CNTNAP2: variants seen among roughly 807,000 people sequenced by gnomAD.
CNTNAP2 encodes contactin associated protein 2.
CNTNAP2 carries 98 observed loss-of-function variants against 155.2 expected under a neutral mutation model. That is an observed-to-expected ratio of 0.63 (90% CI 0.54 to 0.75). The LOEUF is 0.75. Among genes scored for constraint, CNTNAP2 ranks in the 30% least tolerant of loss-of-function variants. The probability of loss-of-function intolerance (pLI) is 0.00; values close to 1 mark genes in which losing one functional copy is unlikely to be tolerated. For missense variants in CNTNAP2, 1,727 were observed against 1,688.1 expected, an observed-to-expected ratio of 1.02 and a Z score of -0.40; for synonymous variants, 651 against 631.2, an observed-to-expected ratio of 1.03 and a Z score of -0.47.
chr7:148,101,189 C>T (rs965133322), intron 15 of CNTNAP2, among the ~76,000 whole-genome samples: 1 of 151,384 alleles, frequency 6.6e-6, no homozygotes, highest in African/African-American at 2.4e-5. Flanking sequence ...TGCTAAATGA[C>T]GAGTTCATGG....
intron 8 of CNTNAP2, among the ~76,000 whole-genome samples, chr7:147,233,765 T>A (rs1803737531): frequency 6.8e-6 from 1 of 147,288 alleles, no homozygotes; most frequent in Admixed American, 6.8e-5. Flanking sequence ...TATAAAAACA[T>A]TGATGAATTA....
At chr7:146,756,913 T>A (rs35722578) in intron 1 of CNTNAP2, among the ~76,000 whole-genome samples, 11,109 of 152,138 alleles carry the variant, frequency 0.073, 471 homozygotes, top group Non-Finnish European at 0.079. Context: ...CTGCTTCCTA[T>A]ATACAGGTCA....
chr7:146,415,633 T>G (rs1044633916), intron 1 of CNTNAP2, among the ~76,000 whole-genome samples: 1 of 99,608 alleles, frequency 1.0e-5, no homozygotes, highest in African/African-American at 1.1e-4. Flanking sequence ...AAACCTGTAA[T>G]TAAGACACTC....
intron 1 of CNTNAP2, among the ~76,000 whole-genome samples, chr7:146,467,111 G>A (rs73462788): frequency 1.3e-5 from 2 of 152,020 alleles, no homozygotes; most frequent in Non-Finnish European, 2.9e-5. Flanking sequence ...CATCATTCAA[G>A]TAGCCTAAAC....
intron 1 of CNTNAP2, among the ~76,000 whole-genome samples, chr7:146,186,754 T>G (rs1798629973): frequency 6.6e-6 from 1 of 152,190 alleles, no homozygotes; most frequent in Non-Finnish European, 1.5e-5. Flanking sequence ...ATTTTTGTAT[T>G]GTGGATGGCA....
At chr7:147,820,508 C>T in intron 13 of CNTNAP2, among the ~76,000 whole-genome samples, 1 of 152,096 alleles carries the variant, frequency 6.6e-6, no homozygotes, top group East Asian at 1.9e-4. Flanking sequence ...GAGGAGAAGT[C>T]TTTAATTTTG....
chr7:148,170,782 A>C (rs1029798061), intron 17 of CNTNAP2, among the ~76,000 whole-genome samples: 1 of 152,158 alleles, frequency 6.6e-6, no homozygotes, highest in Non-Finnish European at 1.5e-5. Context: ...AAAGCCTTTG[A>C]TATTCCAGTC....
chr7:147,168,726 T>C (rs1314170820), intron 8 of CNTNAP2, among the ~76,000 whole-genome samples: 1 of 152,154 alleles, frequency 6.6e-6, no homozygotes, highest in Non-Finnish European at 1.5e-5. Context: ...TTTAGAAGTA[T>C]CTTTTCCCTA....
chr7:147,339,100 T>G (rs1795712672), intron 9 of CNTNAP2, among the ~76,000 whole-genome samples: 1 of 152,168 alleles, frequency 6.6e-6, no homozygotes, highest in Admixed American at 6.6e-5. Context: ...TTGACAAATT[T>G]TGAATTCACA....
At chr7:146,420,653 G>A (rs957419803) in intron 1 of CNTNAP2, among the ~76,000 whole-genome samples, 2 of 152,018 alleles carry the variant, frequency 1.3e-5, no homozygotes, top group African/African-American at 4.8e-5. Flanking sequence ...TTGTAGGTGG[G>A]TGTCTATTTT....
In CNTNAP2 at chr7:147,346,484, T is replaced by G. The variant is rs575096766; in HGVS notation, c.1498+46194T>G. The stretch of plus-strand genomic sequence containing the variant: ...TCGAAGATTTTAAAGCATTAAAGTT[T>G]ATTCATCCCTATTGTCAATCCTATT... On this transcript the variant is annotated intron_variant, in intron 9 of 23. Coordinates refer to ENST00000361727, the MANE Select transcript of CNTNAP2 (RefSeq NM_014141.6). Among the ~76,000 whole-genome samples, 4 of 152,222 alleles carry G rather than the reference T, an allele frequency of 2.6e-5. No homozygotes were observed. In the East Asian group the frequency reaches 7.7e-4, roughly 29 times the overall value.
At chr7:146,183,987 C>G (rs1217273966) in intron 1 of CNTNAP2, among the ~76,000 whole-genome samples, 1 of 152,088 alleles carries the variant, frequency 6.6e-6, no homozygotes, top group East Asian at 1.9e-4. Context: ...GAAGTATGGA[C>G]TTGATCTTGG....
chr7:148,295,153 A>G (rs1487698766), intron 21 of CNTNAP2, among the ~76,000 whole-genome samples: 1 of 152,200 alleles, frequency 6.6e-6, no homozygotes, highest in African/African-American at 2.4e-5. Flanking sequence ...GTATGTGTAT[A>G]CATTTTAAAC....
At chr7:148,325,941 T>C (rs1797877597) in intron 21 of CNTNAP2, among the ~76,000 whole-genome samples, 1 of 152,200 alleles carries the variant, frequency 6.6e-6, no homozygotes, top group Non-Finnish European at 1.5e-5. Context: ...AGTAAACTTC[T>C]ACTGACTGAC....
intron 3 of CNTNAP2, among the ~76,000 whole-genome samples, chr7:146,979,112 C>T (rs1348454727): frequency 6.6e-6 from 1 of 152,082 alleles, no homozygotes; most frequent in African/African-American, 2.4e-5. Flanking sequence ...GACTTTCCCC[C>T]AGTATTGATT....
intron 1 of CNTNAP2, among the ~76,000 whole-genome samples, chr7:146,175,371 A>T (rs1198487981): frequency 6.6e-6 from 1 of 152,204 alleles, no homozygotes; most frequent in African/African-American, 2.4e-5. Context: ...GAAGTGAAGG[A>T]TGAAAGCTCT....
At chr7:147,373,725 T>A (rs111913555) in intron 9 of CNTNAP2, among the ~76,000 whole-genome samples, 137 of 152,200 alleles carry the variant, frequency 9.0e-4, no homozygotes, top group Non-Finnish European at 1.6e-3. Flanking sequence ...TGTATACCAC[T>A]GAGAACCAGA....
chr7:148,150,322 G>A (rs1265099652), intron 17 of CNTNAP2, among the ~76,000 whole-genome samples: 1 of 152,040 alleles, frequency 6.6e-6, no homozygotes, highest in Non-Finnish European at 1.5e-5. Flanking sequence ...GCTGAGGCAG[G>A]CGGATCACGA....
chr7:147,240,234 G>C lies in CNTNAP2; in HGVS notation c.1349-59907G>C, dbSNP rs138363507. ...GCTACTCAGGGGCCTGAGGCAGGAG[G>C]ATAGCTTGAACCCTGGAGAGTTCAA... On this transcript the variant is annotated intron_variant, in intron 8 of 23. Transcript: ENST00000361727. 8.5e-3 allele frequency among the ~76,000 whole-genome samples: 1,301 copies of C among 152,290 alleles called. 18 individuals carry two copies. The highest frequency in any genetic ancestry group is 0.03 in the African/African-American group (1,238 of 41,558).
Sources: allele counts gnomAD v4.1 joint callset (sites outside exome capture counted in the v4.1 genomes callset), GRCh38; gene constraint gnomAD v4.1.1; transcripts MANE v1.5; gene names NCBI Gene and HGNC (gene_info 2026-07-23, HGNC 2026-07-21).